CFDP1: variants seen among roughly 807,000 people sequenced by gnomAD.
CFDP1 encodes chromatin remodeling protein CFDP1.
CFDP1 carries 31 observed loss-of-function variants against 40.1 expected under a neutral mutation model. That is an observed-to-expected ratio of 0.77 (90% confidence interval 0.58 to 1.04). CFDP1 has a LOEUF of 1.04. Among genes scored for constraint, CFDP1 ranks in the 50% least tolerant of loss-of-function variants. CFDP1 has a pLI of 0.00. For missense variants in CFDP1, 423 were observed against 343.4 expected, an observed-to-expected ratio of 1.23 and a Z score of -1.83; for synonymous variants, 167 against 120.0, an observed-to-expected ratio of 1.39 and a Z score of -2.56.
In CFDP1 at chr16:75,433,399, G is replaced by A. The variant is rs752233822; in HGVS notation, c.-47C>T. 28 of 1,537,326 alleles carry A rather than the reference G, an allele frequency of 1.8e-5. No homozygotes were observed. In the Admixed American group the frequency reaches 1.9e-4, roughly 10 times the overall value. ...TCAAACTCACAAGACCGCAGCAGCCGCCTCCAACGGCAAAGCTCTAGGGAG... is the reference window on the plus strand; with the variant it reads ...TCAAACTCACAAGACCGCAGCAGCCACCTCCAACGGCAAAGCTCTAGGGAG... On this transcript the variant is annotated 5_prime_UTR_variant, in exon 1 of 7. Coordinates refer to ENST00000283882, the MANE Select transcript of CFDP1 (RefSeq NM_006324.3).
At chr16:75,419,759 T>C (rs930606153) in intron 1 of CFDP1, among the ~76,000 whole-genome samples, 2 of 152,114 alleles carry the variant, frequency 1.3e-5, no homozygotes, top group African/African-American at 4.8e-5. Flanking sequence ...ACAAATGCCA[T>C]GGCAACATCA....
At chr16:75,375,848 G>C (rs554939457) in intron 5 of CFDP1, among the ~76,000 whole-genome samples, 8 of 151,306 alleles carry the variant, frequency 5.3e-5, no homozygotes, top group African/African-American at 1.7e-4. Context: ...TATGGACCAA[G>C]TAGAACCCTC....
chr16:75,374,652 T>C (rs2078778380), intron 5 of CFDP1, among the ~76,000 whole-genome samples: 1 of 147,470 alleles, frequency 6.8e-6, no homozygotes, highest in African/African-American at 2.5e-5. Context: ...CCCCATCTCT[T>C]AAAAAAAAAA....
At chr16:75,304,114 G>C (rs2078242271) in intron 6 of CFDP1, among the ~76,000 whole-genome samples, 1 of 151,754 alleles carries the variant, frequency 6.6e-6, no homozygotes, top group South Asian at 2.1e-4. Context: ...TGTCACCCAG[G>C]CTGGAGTGCA....
chr16:75,408,289 T>C (rs2079122492), intron 4 of CFDP1, among the ~76,000 whole-genome samples: 1 of 151,990 alleles, frequency 6.6e-6, no homozygotes, highest in East Asian at 1.9e-4. Flanking sequence ...ATCTCTGTGT[T>C]ACACCCTGGC....
intron 6 of CFDP1, among the ~76,000 whole-genome samples, chr16:75,298,051 G>A (rs988328075): frequency 2.6e-5 from 4 of 152,148 alleles, no homozygotes; most frequent in African/African-American, 9.7e-5. Context: ...ATGGTTCAAT[G>A]TACACAAACT....
chr16:75,318,973 G>C (rs2151508570), intron 5 of CFDP1, among the ~76,000 whole-genome samples: 1 of 152,312 alleles, frequency 6.6e-6, no homozygotes, highest in Admixed American at 6.5e-5. Context: ...GGCACATTAA[G>C]CACATAGCTT....
chr16:75,370,868 A>T (rs1014366057), intron 5 of CFDP1, among the ~76,000 whole-genome samples: 1 of 152,174 alleles, frequency 6.6e-6, no homozygotes, highest in Non-Finnish European at 1.5e-5. Context: ...TCAAAAATTT[A>T]AAAAAAGAAT....
At chr16:75,305,690 G>A (rs2078252133) in intron 5 of CFDP1, among the ~76,000 whole-genome samples, 2 of 152,206 alleles carry the variant, frequency 1.3e-5, no homozygotes, top group Admixed American at 1.3e-4. Context: ...GAGCCACTCT[G>A]AGTCACTGTC....
At chr16:75,368,146 G>A (rs1407604748) in intron 5 of CFDP1, among the ~76,000 whole-genome samples, 1 of 152,082 alleles carries the variant, frequency 6.6e-6, no homozygotes, top group Admixed American at 6.6e-5. Flanking sequence ...TGTGGACCTT[G>A]TTTACATCCT....
At chr16:75,416,786 C>G (rs148432339) in intron 1 of CFDP1, among the ~76,000 whole-genome samples, 3 of 151,700 alleles carry the variant, frequency 2.0e-5, no homozygotes, top group African/African-American at 7.3e-5. Flanking sequence ...TTTTTAAAGG[C>G]GATGAGAAGG....
At chr16:75,305,229 T>C in intron 5 of CFDP1, 47 bp from the exon 6 acceptor site, 1 of 1,585,674 alleles carries the variant, frequency 6.3e-7, no homozygotes, top group Non-Finnish European at 8.6e-7. Flanking sequence ...AACTCTGATC[T>C]CTATATTAAC....
At chr16:75,393,736 GCAAAAAAAAAAAAAAAAAA>G (rs1169400963) in intron 5 of CFDP1, among the ~76,000 whole-genome samples, 4 of 77,980 alleles carry the variant, frequency 5.1e-5, no homozygotes, top group South Asian at 4.7e-4. Context: ...AGACTCCGTC[GCAAAAAAAAAAAAAAAAAA>G]AAAAAAAAAA....
intron 5 of CFDP1, among the ~76,000 whole-genome samples, chr16:75,359,175 G>T (rs1421445912): frequency 6.6e-6 from 1 of 152,104 alleles, no homozygotes; most frequent in Non-Finnish European, 1.5e-5. Context: ...AGATATTAAA[G>T]AAATTTACAA....
chr16:75,345,371 C>T (rs1476634236), intron 5 of CFDP1, among the ~76,000 whole-genome samples: 3 of 152,042 alleles, frequency 2.0e-5, no homozygotes, highest in Non-Finnish European at 4.4e-5. Context: ...ACATGAGAAT[C>T]GCTTGAATGT....
intron 5 of CFDP1, among the ~76,000 whole-genome samples, chr16:75,320,656 A>G (rs754918658): frequency 3.0e-4 from 46 of 152,172 alleles, no homozygotes; most frequent in Non-Finnish European, 4.7e-4. Context: ...TGGCTTTGCT[A>G]TGGCCTTCCA....
At chr16:75,299,027 C>T (rs952431072) in intron 6 of CFDP1, among the ~76,000 whole-genome samples, 2 of 152,140 alleles carry the variant, frequency 1.3e-5, no homozygotes, top group African/African-American at 4.8e-5. Flanking sequence ...AGTCAGTTGG[C>T]CCCCGCCTTA....
intron 6 of CFDP1, among the ~76,000 whole-genome samples, chr16:75,298,563 C>T (rs544264192): frequency 1.1e-4 from 16 of 152,348 alleles, no homozygotes; most frequent in Non-Finnish European, 2.1e-4. Flanking sequence ...TGGGTAAATG[C>T]ATTTTCCAAC....
intron 4 of CFDP1, among the ~76,000 whole-genome samples, chr16:75,399,899 C>T (rs901997396): frequency 2.0e-5 from 3 of 151,996 alleles, no homozygotes; most frequent in South Asian, 2.1e-4. Context: ...GTTGGGAGTT[C>T]GAGACCAGCC....
Sources: allele counts gnomAD v4.1 joint callset (sites outside exome capture counted in the v4.1 genomes callset), GRCh38; gene constraint gnomAD v4.1.1; transcripts MANE v1.5; gene names NCBI Gene and HGNC (gene_info 2026-07-23, HGNC 2026-07-21).